Variants in RPH3AL observed in about 807,000 individuals in gnomAD.
RPH3AL encodes rabphilin 3A like (without C2 domains).
A neutral mutation model predicts 43.1 loss-of-function variants in RPH3AL; 38 were observed. That is an observed-to-expected ratio of 0.88 (90% CI 0.68 to 1.15). The LOEUF (loss-of-function observed/expected upper bound fraction) is 1.15, where lower values mean the gene tolerates loss of function less well. Ranked by LOEUF, RPH3AL falls within the 50% of genes most tolerant of loss-of-function variation. The pLI, the probability that RPH3AL is intolerant of heterozygous loss-of-function variation, is 0.00. For missense variants in RPH3AL, 462 were observed against 423.2 expected (o/e 1.09, Z -0.81); for synonymous variants, 189 against 176.3 (o/e 1.07, Z -0.57).
At chr17:309,395 C>A (rs1377029140) in intron 5 of RPH3AL, among the ~76,000 whole-genome samples, 1 of 145,772 alleles carries the variant, frequency 6.9e-6, no homozygotes, top group Non-Finnish European at 1.5e-5. Flanking sequence ...ATGGCATGTA[C>A]CCCGCCCTGC....
chr17:342,865 G>A (rs1428087842), intron 1 of RPH3AL, among the ~76,000 whole-genome samples: 3 of 152,120 alleles, frequency 2.0e-5, no homozygotes, highest in African/African-American at 7.2e-5. Context: ...AATTTATAGA[G>A]TCTCATTGAC....
At chr17:269,045 A>G (rs540276175) in intron 6 of RPH3AL, among the ~76,000 whole-genome samples, 2 of 151,772 alleles carry the variant, frequency 1.3e-5, no homozygotes, top group East Asian at 3.9e-4. Context: ...CGCCTGGCTA[A>G]TTTTTTGTAT....
rs199581651 is a variant in RPH3AL, at chr17:307,810, C to T, written c.351+11610G>A. On this transcript the variant is annotated intron_variant, in intron 5 of 9. Transcript: ENST00000331302. ...CGCACAAGATAGCTGCTCCTTCTTT[C>T]TTTGGAAGAAGAAAAGCCACACGCA... is the stretch of plus-strand genomic sequence containing the variant. 1.8e-4 allele frequency among the ~76,000 whole-genome samples: 27 copies of T among 152,324 alleles called. No individual in the cohort carries two copies. The East Asian group carries it at 5.2e-3, about 29-fold the overall frequency.
chr17:346,480 T>C (rs530087683), intron 1 of RPH3AL, among the ~76,000 whole-genome samples: 1 of 134,466 alleles, frequency 7.4e-6, no homozygotes, highest in African/African-American at 2.5e-5. Flanking sequence ...AGAGAGCTTG[T>C]GCAGGAAAAC....
At chr17:305,000 GGGA>G in intron 5 of RPH3AL, among the ~76,000 whole-genome samples, 2 of 69,000 alleles carry the variant, frequency 2.9e-5, no homozygotes, top group African/African-American at 1.3e-4. Flanking sequence ...AGGGCGAGAG[GGGA>G]CAGGGCGAGA....
chr17:307,566 A>C (rs2043533790), intron 5 of RPH3AL, among the ~76,000 whole-genome samples: 1 of 152,168 alleles, frequency 6.6e-6, no homozygotes, highest in Non-Finnish European at 1.5e-5. Flanking sequence ...CTACCTCCTC[A>C]GCCCCGGGGC....
At position 304,537 on chromosome 17, in the gene RPH3AL, C is replaced by A. The variant is rs368299131; in HGVS notation, c.351+14883G>T. On this transcript the variant is annotated intron_variant, in intron 5 of 9. Coordinates refer to ENST00000331302, the MANE Select transcript of RPH3AL (RefSeq NM_006987.4). Reference sequence around the variant, plus strand: ...AGGCTGGTACCCCAGGCCACCCCCACCAACAACATAACCAGAGGGGAAGGA... The same window carrying A: ...AGGCTGGTACCCCAGGCCACCCCCAACAACAACATAACCAGAGGGGAAGGA... Among the ~76,000 whole-genome samples the A allele has an allele frequency of 1.1e-4, 16 of 152,334 alleles. No homozygotes were observed. In the East Asian group the frequency reaches 2.9e-3, roughly 28 times the overall value.
intron 6 of RPH3AL, among the ~76,000 whole-genome samples, chr17:248,104 G>A (rs929012019): frequency 1.3e-5 from 2 of 152,138 alleles, no homozygotes; most frequent in African/African-American, 4.8e-5. Context: ...GACTCTCCCA[G>A]CCACGTGTAC....
chr17:304,347 A>G (rs1294146919), intron 5 of RPH3AL, among the ~76,000 whole-genome samples: 1 of 152,004 alleles, frequency 6.6e-6, no homozygotes, highest in African/African-American at 2.4e-5. Flanking sequence ...TGAGGGAATG[A>G]GCCCAGGCCG....
intron 3 of RPH3AL, among the ~76,000 whole-genome samples, chr17:324,064 G>T (rs1259031904): frequency 6.7e-6 from 1 of 150,314 alleles, no homozygotes; most frequent in Non-Finnish European, 1.5e-5. Context: ...CAGCCACGCG[G>T]CGAGGCAGGC....
intron 7 of RPH3AL, among the ~76,000 whole-genome samples, chr17:243,197 C>A (rs1313054427): frequency 7.0e-6 from 1 of 142,168 alleles, no homozygotes; most frequent in African/African-American, 2.6e-5. Context: ...CTATTGATTA[C>A]CTTCCTCTAT....
chr17:320,802 G>A (rs533586521), intron 4 of RPH3AL, among the ~76,000 whole-genome samples: 4 of 152,360 alleles, frequency 2.6e-5, no homozygotes, highest in East Asian at 1.9e-4. Flanking sequence ...CACTGGACAC[G>A]ATGGAAGTGC....
intron 5 of RPH3AL, among the ~76,000 whole-genome samples, chr17:294,298 CA>C (rs60962706): frequency 0.97 from 146,687 of 150,738 alleles, 71,479 homozygotes; most frequent in South Asian, 1. Flanking sequence ...CCCGTCTCTA[CA>C]AAAAAAAAAA....
At chr17:220,156 C>T (rs2040925876) in intron 7 of RPH3AL, among the ~76,000 whole-genome samples, 1 of 152,142 alleles carries the variant, frequency 6.6e-6, no homozygotes, top group Non-Finnish European at 1.5e-5. Flanking sequence ...CTGAGGCCTC[C>T]ACTCACTGAG....
intron 1 of RPH3AL, among the ~76,000 whole-genome samples, chr17:351,956 C>T (rs28756850): frequency 0.23 from 35,642 of 152,126 alleles, 4,405 homozygotes; most frequent in East Asian, 0.44. Flanking sequence ...CGGGCCCCTG[C>T]ATGTGCGTAC....
chr17:315,617 C>A (rs1433935629), intron 5 of RPH3AL, among the ~76,000 whole-genome samples: 2 of 148,930 alleles, frequency 1.3e-5, no homozygotes, highest in African/African-American at 5.1e-5. Flanking sequence ...GAACTCTAGT[C>A]CCTGTACTCC....
Position 341,799 on chromosome 17 carries a change from C to T in RPH3AL, c.-212-7865G>A, listed in dbSNP as rs140982173. Among the ~76,000 whole-genome samples the T allele has an allele frequency of 2.4e-3, 369 of 152,256 alleles. 2 individuals carry two copies. The highest frequency in any genetic ancestry group is 8.5e-3 in the African/African-American group (352 of 41,534). ...CTGGGCTCAAGTTGTCCTCCCACCT[C>T]GGCCCCCCAGATAGCTGAGATGACA... On this transcript the variant is annotated intron_variant, in intron 1 of 9. Transcript: ENST00000331302.
intron 8 of RPH3AL, among the ~76,000 whole-genome samples, chr17:216,833 T>C (rs1327305503): frequency 2.0e-5 from 3 of 152,140 alleles, no homozygotes; most frequent in Non-Finnish European, 4.4e-5. Context: ...AAGAGTATCA[T>C]GATCACCTAG....
intron 5 of RPH3AL, among the ~76,000 whole-genome samples, chr17:291,728 T>C (rs1441495250): frequency 6.6e-6 from 1 of 152,014 alleles, no homozygotes; most frequent in Non-Finnish European, 1.5e-5. Context: ...ATGATGTAAA[T>C]AGAAAAGTGA....
Sources: allele counts gnomAD v4.1 joint callset (sites outside exome capture counted in the v4.1 genomes callset), GRCh38; gene constraint gnomAD v4.1.1; transcripts MANE v1.5; gene names NCBI Gene and HGNC (gene_info 2026-07-23, HGNC 2026-07-21).